Variants in NRXN1 observed in about 807,000 individuals in gnomAD.
NRXN1 encodes neurexin 1.
Under a neutral mutation model 150.9 loss-of-function variants are expected in NRXN1, and 39 were observed. The observed-to-expected ratio is 0.26, with a 90% CI of 0.20 to 0.34. The LOEUF (loss-of-function observed/expected upper bound fraction) is 0.34, where lower values mean the gene tolerates loss of function less well. Ranked by LOEUF, NRXN1 falls within the 10% of genes least tolerant of loss-of-function variation. The pLI is 1.00. For synonymous variants in NRXN1, 924 were observed against 757.0 expected (o/e 1.22, Z -3.62); for missense variants, 1,815 against 1,949.9 (o/e 0.93, Z 1.30).
chr2:50,762,918 T>C (rs1276361909), intron 5 of NRXN1, among the ~76,000 whole-genome samples: 5 of 152,100 alleles, frequency 3.3e-5, no homozygotes, highest in East Asian at 1.9e-4. Context: ...GTTCTCAAAG[T>C]GGTGCAAGCT....
At chr2:50,480,423 C>T (rs1457582648) in intron 15 of NRXN1, among the ~76,000 whole-genome samples, 1 of 152,160 alleles carries the variant, frequency 6.6e-6, no homozygotes, top group Non-Finnish European at 1.5e-5. Context: ...TGACCTGATT[C>T]ATGCATCCTC....
chr2:50,265,995 ATTAT>A (rs200358718), intron 17 of NRXN1, among the ~76,000 whole-genome samples: 16 of 76,832 alleles, frequency 2.1e-4, no homozygotes, highest in Non-Finnish European at 3.0e-4. Flanking sequence ...TATTATTATT[ATTAT>A]TTATTTTTTT....
At chr2:49,969,506 T>C (rs1438728987) in intron 21 of NRXN1, among the ~76,000 whole-genome samples, 1 of 152,002 alleles carries the variant, frequency 6.6e-6, no homozygotes, top group Non-Finnish European at 1.5e-5. Flanking sequence ...TTTGAAGTCA[T>C]AATGGCAGCC....
intron 5 of NRXN1, among the ~76,000 whole-genome samples, chr2:50,680,312 C>T (rs1003073859): frequency 1.3e-5 from 2 of 151,772 alleles, no homozygotes; most frequent in African/African-American, 4.8e-5. Flanking sequence ...TTCTTTGAAT[C>T]GAATTTATTA....
chr2:50,962,174 C>T (rs62142993), intron 2 of NRXN1, among the ~76,000 whole-genome samples: 23,684 of 151,584 alleles, frequency 0.16, 2,463 homozygotes, highest in Non-Finnish European at 0.24. Flanking sequence ...AAATAACAAA[C>T]GGCATGCCAA....
intron 17 of NRXN1, among the ~76,000 whole-genome samples, chr2:50,369,755 G>A (rs575037855): frequency 6.6e-6 from 1 of 152,100 alleles, no homozygotes; most frequent in East Asian, 1.9e-4. Flanking sequence ...GCTAATCGAA[G>A]TAATGATCAG....
chr2:50,425,145 AAC>A (rs975628641), intron 17 of NRXN1, among the ~76,000 whole-genome samples: 14 of 152,196 alleles, frequency 9.2e-5, no homozygotes, highest in Non-Finnish European at 8.8e-5. Context: ...CTGACTCCTG[AAC>A]TCTTTTGTGA....
chr2:50,069,078 T>G (rs1047353836), intron 19 of NRXN1, among the ~76,000 whole-genome samples: 4 of 152,180 alleles, frequency 2.6e-5, no homozygotes, highest in African/African-American at 9.7e-5. Flanking sequence ...GAATTCAGGG[T>G]ACTACCATGT....
chr2:50,753,964 TG>T (rs1554047725), intron 5 of NRXN1, among the ~76,000 whole-genome samples: 1,291 of 118,064 alleles, frequency 0.011, 29 homozygotes, highest in Middle Eastern at 0.013. Context: ...GATTTTTTTT[TG>T]GGGGGGGGCG....
In NRXN1 at chr2:49,922,232, G is replaced by T. The variant is rs587781101; in HGVS notation, c.4236C>A (p.Gly1412=). ...SGGLANPTRA[G]GREPYPGSAE... ...CTGAGCCTGGATACGGCTCTCTGCC[G>T]CCTGCTCGGGTTGGGTTGGCTATAG... The change falls in exon 23 of 23, where the codon GGC becomes GGA. Residue 1412 remains glycine (G), a synonymous_variant. Coordinates refer to ENST00000401669, the MANE Select transcript of NRXN1 (RefSeq NM_001330078.2). The T allele has an allele frequency of 1.2e-6, 2 of 1,613,762 alleles. No homozygotes were observed. The highest frequency in any genetic ancestry group is 2.2e-5 in the South Asian group (2 of 91,040).
chr2:50,974,783 C>T (rs1465853955), intron 2 of NRXN1, among the ~76,000 whole-genome samples: 1 of 151,926 alleles, frequency 6.6e-6, no homozygotes, highest in Non-Finnish European at 1.5e-5. Flanking sequence ...ACTACAGTGC[C>T]TAATAATTTG....
At chr2:49,940,450 A>C (rs1024417050) in intron 22 of NRXN1, among the ~76,000 whole-genome samples, 2 of 152,184 alleles carry the variant, frequency 1.3e-5, no homozygotes, top group Non-Finnish European at 2.9e-5. Flanking sequence ...TTATGTTTGC[A>C]TTCAAGATGG....
chr2:50,584,421 C>T (rs1324066412), intron 8 of NRXN1, among the ~76,000 whole-genome samples: 4 of 152,190 alleles, frequency 2.6e-5, no homozygotes, highest in Non-Finnish European at 4.4e-5. Context: ...ATCTGTCCTG[C>T]TTTCCTTGGC....
At chr2:50,540,715 T>C (rs1014171750) in intron 9 of NRXN1, among the ~76,000 whole-genome samples, 1 of 151,858 alleles carries the variant, frequency 6.6e-6, no homozygotes, top group African/African-American at 2.4e-5. Context: ...CAAGCTGGAG[T>C]GCAGTGGCAG....
At chr2:50,743,102 T>C (rs1699629381) in intron 5 of NRXN1, among the ~76,000 whole-genome samples, 1 of 152,184 alleles carries the variant, frequency 6.6e-6, no homozygotes, top group Admixed American at 6.5e-5. Context: ...AATTAGAACA[T>C]TTAAATATTT....
intron 5 of NRXN1, among the ~76,000 whole-genome samples, chr2:50,635,409 G>T (rs1354738839): frequency 6.6e-6 from 1 of 150,868 alleles, no homozygotes; most frequent in Non-Finnish European, 1.5e-5. Context: ...TCCCGACCTT[G>T]TGATCTGCCC....
chr2:50,449,841 A>G (rs2086796739), intron 17 of NRXN1, among the ~76,000 whole-genome samples: 1 of 152,178 alleles, frequency 6.6e-6, no homozygotes, highest in Non-Finnish European at 1.5e-5. Flanking sequence ...GTTTTGGGGT[A>G]CAGGGAGGAT....
chr2:50,972,668 G>A (rs1470674463), intron 2 of NRXN1, among the ~76,000 whole-genome samples: 3 of 152,062 alleles, frequency 2.0e-5, no homozygotes, highest in African/African-American at 7.2e-5. Flanking sequence ...ATGGGAGACA[G>A]TGACAGATCA....
chr2:50,151,699 G>C (rs750754705), intron 18 of NRXN1, among the ~76,000 whole-genome samples: 25 of 151,762 alleles, frequency 1.6e-4, no homozygotes, highest in Non-Finnish European at 3.5e-4. Flanking sequence ...GACTAAAAAT[G>C]GGTATGAGGT....
Sources: gnomAD v4.1 joint callset for allele counts (sites outside exome capture counted in the v4.1 genomes callset) on GRCh38, gnomAD v4.1.1 for gene constraint, MANE v1.5 for transcripts, NCBI Gene and HGNC (gene_info 2026-07-23, HGNC 2026-07-21) for gene names.